The following PLCB4 variants were observed in gnomAD, a reference collection of about 807,000 sequenced individuals.
The protein encoded by PLCB4 is phospholipase C beta 4.
PLCB4 carries 77 observed loss-of-function variants against 178.8 expected under a neutral mutation model. The ratio of observed to expected loss-of-function variants is 0.43; its 90% CI spans 0.36 to 0.52. The LOEUF is 0.52. Ranked by LOEUF, PLCB4 falls within the 20% of genes least tolerant of loss-of-function variation. PLCB4 has a pLI of 0.00. For synonymous variants in PLCB4, 496 were observed against 490.8 expected (o/e 1.01, Z -0.14); for missense variants, 1,024 against 1,453.4 (o/e 0.70, Z 4.80).
chr20:9,420,711 T>A (rs2148564559), intron 26 of PLCB4, among the ~76,000 whole-genome samples: 1 of 152,264 alleles, frequency 6.6e-6, no homozygotes, highest in South Asian at 2.1e-4. Context: ...AGCTAGAAAA[T>A]AATGTAAACA....
chr20:9,140,542 G>T (rs1380841420), intron 2 of PLCB4, among the ~76,000 whole-genome samples: 2 of 151,792 alleles, frequency 1.3e-5, no homozygotes, highest in Admixed American at 6.6e-5. Flanking sequence ...AATGTTGGAG[G>T]GGGGGCCTGG....
intron 4 of PLCB4, among the ~76,000 whole-genome samples, chr20:9,316,660 C>T (rs1468761345): frequency 6.6e-6 from 1 of 152,176 alleles, no homozygotes; most frequent in Non-Finnish European, 1.5e-5. Context: ...TCTGCACACA[C>T]TTTTCTTGTC....
intron 7 of PLCB4, among the ~76,000 whole-genome samples, chr20:9,349,314 G>A (rs2034116429): frequency 6.6e-6 from 1 of 152,028 alleles, no homozygotes; most frequent in Admixed American, 6.5e-5. Context: ...TCCCCACAGC[G>A]CTGATAACCA....
chr20:9,331,890 C>T (rs2031715877), intron 4 of PLCB4, among the ~76,000 whole-genome samples: 1 of 152,120 alleles, frequency 6.6e-6, no homozygotes, highest in Non-Finnish European at 1.5e-5. Flanking sequence ...TGATCTCCAG[C>T]AAAAGTGATT....
intron 3 of PLCB4, among the ~76,000 whole-genome samples, chr20:9,294,655 T>C (rs1056170215): frequency 6.6e-6 from 1 of 152,140 alleles, no homozygotes; most frequent in Non-Finnish European, 1.5e-5. Context: ...CCCCCTTTTT[T>C]CCTTTTTGCT....
intron 17 of PLCB4, among the ~76,000 whole-genome samples, chr20:9,393,325 AC>A (rs1330309243): frequency 1.3e-5 from 2 of 152,222 alleles, no homozygotes; most frequent in Middle Eastern, 3.4e-3. Flanking sequence ...CCCAGGCCAG[AC>A]CCCTGCTCCA....
intron 2 of PLCB4, among the ~76,000 whole-genome samples, chr20:9,167,527 T>C (rs146690713): frequency 2.6e-5 from 4 of 152,318 alleles, no homozygotes; most frequent in African/African-American, 9.6e-5. Context: ...AGAATAAAAA[T>C]ATACTTTGAA....
rs149282722 is a variant in PLCB4, at chr20:9,261,232, G to A, written c.-16+43780G>A. Among the ~76,000 whole-genome samples the A allele has an allele frequency of 9.8e-4, 149 of 152,064 alleles. 1 individual carries two copies. The East Asian group carries it at 0.017, about 18-fold the overall frequency. On this transcript the variant is annotated intron_variant, in intron 3 of 39. Transcript: ENST00000378473. ...TCTCTTTTTTTTTTTAATTTGCTGAGTGTAGACCATGTATAATTTTTGTTA... is the reference window on the plus strand; with the variant it reads ...TCTCTTTTTTTTTTTAATTTGCTGAATGTAGACCATGTATAATTTTTGTTA...
intron 2 of PLCB4, among the ~76,000 whole-genome samples, chr20:9,133,508 C>A (rs372404522): frequency 6.6e-6 from 1 of 152,114 alleles, no homozygotes; most frequent in Non-Finnish European, 1.5e-5. Flanking sequence ...CTCTGGTGAT[C>A]CATCTACCTT....
chr20:9,183,373 G>A (rs2093278388), intron 2 of PLCB4, among the ~76,000 whole-genome samples: 1 of 152,182 alleles, frequency 6.6e-6, no homozygotes, highest in African/African-American at 2.4e-5. Context: ...GGCTTCTCCA[G>A]AACAAGATGG....
In PLCB4 at chr20:9,341,422, T is replaced by G. The variant is rs2033182481; in HGVS notation, c.369+2385T>G. ...TTTTGTATGGTATATGTATTACCTA[T>G]TGTATTCTTACAATAAAGTAAGCTA... is the stretch of plus-strand genomic sequence containing the variant. On this transcript the variant is annotated intron_variant, in intron 7 of 39. Transcript: ENST00000378473. Among the ~76,000 whole-genome samples, 5 of 152,160 alleles carry G rather than the reference T, an allele frequency of 3.3e-5. No homozygotes were observed. The South Asian group carries it at 1.0e-3, about 32-fold the overall frequency.
At chr20:9,405,127 G>A (rs182278000) in intron 20 of PLCB4, among the ~76,000 whole-genome samples, 186 bp from the exon 21 acceptor site, 20 of 152,268 alleles carry the variant, frequency 1.3e-4, no homozygotes, top group African/African-American at 4.6e-4. Context: ...ATTAAGATTA[G>A]CCCTTCTGGT....
chr20:9,251,695 C>T (rs1372286957), intron 3 of PLCB4, among the ~76,000 whole-genome samples: 2 of 151,934 alleles, frequency 1.3e-5, no homozygotes, highest in African/African-American at 2.4e-5. Flanking sequence ...TAGTTCTTAC[C>T]CATTAGATGG....
At chr20:9,423,104 G>A (rs74652578) in intron 27 of PLCB4, among the ~76,000 whole-genome samples, 8 of 152,174 alleles carry the variant, frequency 5.3e-5, no homozygotes, top group Non-Finnish European at 7.3e-5. Context: ...GGGATAGCAG[G>A]AGTAGGTGTC....
chr20:9,120,567 C>T (rs891345979), intron 2 of PLCB4, among the ~76,000 whole-genome samples: 3 of 152,124 alleles, frequency 2.0e-5, no homozygotes, highest in African/African-American at 7.2e-5. Flanking sequence ...CATGTTCATC[C>T]TCTTGGATCC....
At chr20:9,297,114 CAGTT>C (rs1276677158) in intron 3 of PLCB4, among the ~76,000 whole-genome samples, 3 of 151,688 alleles carry the variant, frequency 2.0e-5, no homozygotes, top group African/African-American at 7.3e-5. Context: ...GAGAAAAACC[CAGTT>C]AGATTATATA....
In PLCB4 at chr20:9,372,200, C is replaced by A. The variant is rs1244234961; in HGVS notation, c.586-103C>A. On this transcript the variant is annotated intron_variant, in intron 10 of 39. Transcript: ENST00000378473. ...GTCAGCAGGAATCAGAGATGAAGAC[C>A]CTGAGTCCAAGTGGTCTTCACTGTG... The A allele has an allele frequency of 3.5e-5, 23 of 658,138 alleles. 1 individual carries two copies. The highest frequency in any genetic ancestry group is 5.1e-5 in the Non-Finnish European group (19 of 370,210). 40.8% of individuals were successfully genotyped at this position (658,138 alleles called of 1,614,324 possible). A position where few individuals can be genotyped will look rare whatever the true frequency, so the allele number is the denominator to read the frequency against.
At chr20:9,196,719 G>T (rs1320685517) in intron 2 of PLCB4, among the ~76,000 whole-genome samples, 1 of 152,168 alleles carries the variant, frequency 6.6e-6, no homozygotes, top group Non-Finnish European at 1.5e-5. Context: ...AGGTTAGTCT[G>T]CTTTCATGAG....
intron 3 of PLCB4, among the ~76,000 whole-genome samples, chr20:9,251,271 C>T (rs1197114528): frequency 6.6e-6 from 1 of 152,162 alleles, no homozygotes; most frequent in Non-Finnish European, 1.5e-5. Context: ...AAGTGTGGTC[C>T]TCATATCGGC....
Sources: gnomAD v4.1 joint callset for allele counts (sites outside exome capture counted in the v4.1 genomes callset) on GRCh38, gnomAD v4.1.1 for gene constraint, MANE v1.5 for transcripts, NCBI Gene and HGNC (gene_info 2026-07-23, HGNC 2026-07-21) for gene names.